The following PLG variants were observed in gnomAD, a reference collection of about 807,000 sequenced individuals.
PLG encodes plasminogen.
Under a neutral mutation model 104.4 loss-of-function variants are expected in PLG, and 41 were observed. That is an observed-to-expected ratio of 0.39 (90% CI 0.31 to 0.51). The LOEUF is 0.51. Among genes scored for constraint, PLG ranks in the 20% least tolerant of loss-of-function variants. The pLI is 0.76. For missense variants in PLG, 891 were observed against 1,003.6 expected (o/e 0.89, Z 1.52); for synonymous variants, 337 against 357.1 (o/e 0.94, Z 0.63).
chr6:160,752,112 C>T lies in PLG; in HGVS notation c.2126-3C>T. ...GCCATTTCTTTCATCTTTTTAAACA[C>T]AGGTACTTTTGGAGCTGGCCTTCTC... On this transcript the variant is annotated splice_polypyrimidine_tract_variant and splice_region_variant and intron_variant, in intron 17 of 18. Coordinates refer to ENST00000308192, the MANE Select transcript of PLG (RefSeq NM_000301.5). This position sits in a 1 kb window ranked among gnomAD's most constrained non-coding sequence, Gnocchi z 4.7. The T allele has an allele frequency of 1.9e-6, 3 of 1,612,928 alleles. No homozygotes were observed. The highest frequency in any genetic ancestry group is 1.7e-6 in the Non-Finnish European group (2 of 1,178,956).
chr6:160,743,641 T>G (rs146668812), intron 17 of PLG, among the ~76,000 whole-genome samples: 189 of 152,348 alleles, frequency 1.2e-3, no homozygotes, highest in Admixed American at 4.3e-3. Context: ...CCTATCTGGA[T>G]GCCCTTTATT....
At chr6:160,743,944 T>G (rs1247500843) in intron 17 of PLG, among the ~76,000 whole-genome samples, 1 of 152,070 alleles carries the variant, frequency 6.6e-6, no homozygotes, top group Non-Finnish European at 1.5e-5. Flanking sequence ...TAGTTATATT[T>G]ATGTGATGAA....
intron 10 of PLG, among the ~76,000 whole-genome samples, chr6:160,727,142 G>A (rs1283897871): frequency 2.0e-5 from 3 of 151,650 alleles, no homozygotes; most frequent in African/African-American, 7.3e-5. Context: ...AACAAATATT[G>A]AGAGCAACTT....
Position 160,748,417 on chromosome 6 carries a change from G to GAAAGAAAAAGAAAGAAAGGGAAA in PLG, c.2126-3698_2126-3697insAAAGAAAAAGAAAGAAAGGGAAA, listed in dbSNP as rs1554252983. Among the ~76,000 whole-genome samples the GAAAGAAAAAGAAAGAAAGGGAAA allele has an allele frequency of 7.0e-3, 437 of 62,248 alleles. 75 individuals carry two copies. The highest frequency in any genetic ancestry group is 0.028 in the East Asian group (39 of 1,370). The allele number at this position is 62,248 out of a possible 152,430, so 40.8% of individuals were successfully genotyped here. On this transcript the variant is annotated intron_variant, in intron 17 of 18. Coordinates refer to ENST00000308192, the MANE Select transcript of PLG (RefSeq NM_000301.5). ...GAAAGAAAGGAAGAAAGAAAGAAAG[G>GAAAGAAAAAGAAAGAAAGGGAAA]GAAAGAAAGAGAACGAAAGAAAGAA...
intron 6 of PLG, among the ~76,000 whole-genome samples, 160 bp downstream of exon 6, chr6:160,715,074 C>T (rs943507531): frequency 2.0e-5 from 3 of 152,136 alleles, no homozygotes; most frequent in East Asian, 1.9e-4. Flanking sequence ...AAGTGAAATA[C>T]GCATTCTTGC....
chr6:160,752,141 G>A lies in PLG; in HGVS notation c.2152G>A (p.Glu718Lys). Residue 718 changes from glutamate (E) to lysine (K), a missense_variant, in exon 18 of 19, where the codon GAA becomes AAA. This residue lies in a region of PLG where 854 missense variants were observed against 932.1 expected (regional missense o/e 0.92). Coordinates refer to ENST00000308192, the MANE Select transcript of PLG (RefSeq NM_000301.5). The surrounding 1 kb of genome is among the most constrained non-coding windows in gnomAD (Gnocchi z 4.7). ...QGTFGAGLLK[E>K]AQLPVIENKV... ...TACTTTTGGAGCTGGCCTTCTCAAG[G>A]AAGCCCAGCTCCCTGTGATTGAGAA... The A allele has an allele frequency of 6.2e-7, 1 of 1,613,486 alleles. No homozygotes were observed. Among genetic ancestry groups the A allele is most frequent in the Non-Finnish European group, 8.5e-7 (1 of 1,179,404 alleles).
At position 160,731,279 on chromosome 6, in the gene PLG, A is replaced by G; in HGVS notation, c.1438+47A>G. Reference sequence around the variant, plus strand: ...ATCTACACACTTGGACGCTGGGATGAAAAGCCATGGAAAATCTCACTGATG... The same window carrying G: ...ATCTACACACTTGGACGCTGGGATGGAAAGCCATGGAAAATCTCACTGATG... On this transcript the variant is annotated intron_variant, in intron 11 of 18. Transcript: ENST00000308192. This position sits in a 1 kb window ranked among gnomAD's most constrained non-coding sequence, Gnocchi z 5.1. 3 of 1,511,544 alleles carry G rather than the reference A, an allele frequency of 2.0e-6. No homozygotes were observed. The highest frequency in any genetic ancestry group is 2.8e-6 in the Non-Finnish European group (3 of 1,086,514). The allele number at this position is 1,511,544 out of a possible 1,614,324, so 93.6% of individuals were successfully genotyped here. A position where few individuals can be genotyped will look rare whatever the true frequency, so the allele number is the denominator to read the frequency against.
At chr6:160,718,651 T>C in intron 8 of PLG, 42 bp from the exon 9 acceptor site, 3 of 1,609,416 alleles carry the variant, frequency 1.9e-6, no homozygotes, top group Non-Finnish European at 2.6e-6. Context: ...CCTAGACTTT[T>C]TTCTTTTTGG....
At chr6:160,704,907 C>A (rs1359404147) in intron 1 of PLG, among the ~76,000 whole-genome samples, 1 of 152,218 alleles carries the variant, frequency 6.6e-6, no homozygotes, top group Non-Finnish European at 1.5e-5. Flanking sequence ...TGCTTTCCTA[C>A]TGGATACTTG....
intron 17 of PLG, among the ~76,000 whole-genome samples, chr6:160,745,418 T>G (rs1357088123): frequency 6.6e-6 from 1 of 152,208 alleles, no homozygotes; most frequent in Non-Finnish European, 1.5e-5. Flanking sequence ...CTTTGTCTTT[T>G]TTGGTCTTTG....
At position 160,731,810 on chromosome 6, in the gene PLG, T is replaced by C. The variant is rs1778004059; in HGVS notation, c.1504T>C (p.Cys502Arg). The C allele has an allele frequency of 1.9e-6, 3 of 1,613,902 alleles. No individual in the cohort carries two copies. Among genetic ancestry groups the C allele is most frequent in the Non-Finnish European group, 2.5e-6 (3 of 1,179,894 alleles). The change falls in exon 12 of 19, where the codon TGC becomes CGC. Residue 502 changes from cysteine (C) to arginine (R), a missense_variant. Physicochemically the swap from Cys to Arg is radical, Grantham distance 180. Around this residue, in one of 2 missense-constraint regions of PLG, gnomAD observed 854 missense variants for 932.1 expected, o/e 0.92. Coordinates refer to ENST00000308192, the MANE Select transcript of PLG (RefSeq NM_000301.5). The surrounding 1 kb of genome is among the most constrained non-coding windows in gnomAD (Gnocchi z 5.1). ...KRATTVTGTP[C>R]QDWAAQEPHR... Reference sequence around the variant, plus strand: ...GGCGACCACTGTTACTGGGACGCCATGCCAGGACTGGGCTGCCCAGGAGCC... The same window carrying C: ...GGCGACCACTGTTACTGGGACGCCACGCCAGGACTGGGCTGCCCAGGAGCC...
chr6:160,727,415 AGAG>A (rs541162581), intron 10 of PLG, among the ~76,000 whole-genome samples: 223 of 151,716 alleles, frequency 1.5e-3, no homozygotes, highest in Non-Finnish European at 1.9e-3. Context: ...TACAGAAAAT[AGAG>A]GAGAAGGGAA....
Position 160,725,993 on chromosome 6 carries a change from A to G in PLG, c.1256+3426A>G, listed in dbSNP as rs1777914527. Among the ~76,000 whole-genome samples, 1 of 152,174 alleles carries G rather than the reference A, an allele frequency of 6.6e-6. No individual in the cohort carries two copies. The highest frequency in any genetic ancestry group is 2.1e-4 in the South Asian group (1 of 4,828). On this transcript the variant is annotated intron_variant, in intron 10 of 18. Transcript: ENST00000308192. The surrounding 1 kb of genome is among the most constrained non-coding windows in gnomAD (Gnocchi z 6.3). ...GAGACAAACAGATAAGCCCACAATT[A>G]GAGTGGGAGATATCCTAATGTCTCT...
Position 160,738,427 on chromosome 6 carries a change from G to T in PLG, c.1803-111G>T. ...TGCTGGGCTTGCAGTCCTTTCCTTT[G>T]GGAATATGAACATGGTCAAAATTAA... On this transcript the variant is annotated intron_variant, in intron 14 of 18. Coordinates refer to ENST00000308192, the MANE Select transcript of PLG (RefSeq NM_000301.5). The surrounding 1 kb of genome is among the most constrained non-coding windows in gnomAD (Gnocchi z 6.8). 2.5e-6 allele frequency: 2 copies of T among 788,200 alleles called. No homozygotes were observed. The highest frequency in any genetic ancestry group is 1.4e-5 in the South Asian group (1 of 72,218). The allele number at this position is 788,200 out of a possible 1,614,324, so 48.8% of individuals were successfully genotyped here. A position where few individuals can be genotyped will look rare whatever the true frequency, so the allele number is the denominator to read the frequency against.
intron 6 of PLG, among the ~76,000 whole-genome samples, chr6:160,715,978 C>A (rs1777721850): frequency 6.6e-6 from 1 of 152,242 alleles, no homozygotes; most frequent in Admixed American, 6.5e-5. Context: ...CTGGGCCCCA[C>A]TGAGGAAGGA....
intron 3 of PLG, among the ~76,000 whole-genome samples, chr6:160,710,612 G>T (rs1373675005): frequency 6.6e-6 from 1 of 152,188 alleles, no homozygotes; most frequent in Non-Finnish European, 1.5e-5. Flanking sequence ...TGAAGAAATA[G>T]AAGTGGGTTG....
rs199972520 is a variant in PLG, at chr6:160,752,306, C to T, written c.2271+46C>T. 165 of 1,571,748 alleles carry T rather than the reference C, an allele frequency of 1.0e-4. No individual in the cohort carries two copies. Among genetic ancestry groups the T allele is most frequent in the Admixed American group, 2.2e-4 (13 of 59,938 alleles). The stretch of plus-strand genomic sequence containing the variant: ...CAAAGTTAGTCTTGTGCTCTCTTGT[C>T]TCAGTCTCAGCCCCTCAGACTTCAT... On this transcript the variant is annotated intron_variant, in intron 18 of 18. Transcript: ENST00000308192. The surrounding 1 kb of genome is among the most constrained non-coding windows in gnomAD (Gnocchi z 4.7).
At chr6:160,704,914 C>T (rs2872762) in intron 1 of PLG, among the ~76,000 whole-genome samples, 2 of 152,210 alleles carry the variant, frequency 1.3e-5, no homozygotes, top group Admixed American at 6.5e-5. Flanking sequence ...CTACTGGATA[C>T]TTGTCATCAG....
intron 1 of PLG, chr6:160,706,052 G>T (rs1357508464): frequency 1.3e-5 from 4 of 303,142 alleles, no homozygotes; most frequent in South Asian, 7.7e-5. Context: ...TACATGTGCA[G>T]GTGTGTTACA....
Sources: allele counts gnomAD v4.1 joint callset (sites outside exome capture counted in the v4.1 genomes callset), GRCh38; gene constraint gnomAD v4.1.1; regional missense constraint gnomAD v4.1.1; non-coding constraint Gnocchi (gnomAD v3.1); transcripts MANE v1.5; gene names NCBI Gene and HGNC (gene_info 2026-07-23, HGNC 2026-07-21).